Variants in RMDN2 observed in about 807,000 individuals in gnomAD.
RMDN2 encodes regulator of microtubule dynamics protein 2.
A neutral mutation model predicts 52.8 loss-of-function variants in RMDN2; 61 were observed. The observed-to-expected ratio is 1.16, with a 90% CI of 0.94 to 1.43. The LOEUF is 1.43. Ranked by LOEUF, RMDN2 falls within the 40% of genes most tolerant of loss-of-function variation. The probability of loss-of-function intolerance (pLI) is 0.00; values close to 1 mark genes in which losing one functional copy is unlikely to be tolerated. For synonymous variants in RMDN2, 180 were observed against 153.1 expected, an observed-to-expected ratio of 1.18 and a Z score of -1.30; for missense variants, 592 against 475.3, an observed-to-expected ratio of 1.25 and a Z score of -2.28.
chr2:37,961,901 A>T (rs1315943749), intron 2 of RMDN2, among the ~76,000 whole-genome samples: 1 of 151,960 alleles, frequency 6.6e-6, no homozygotes, highest in African/African-American at 2.4e-5. Context: ...GTTGATTTTG[A>T]TGTTTTTGCT....
At chr2:37,993,915 G>T (rs946019516) in intron 7 of RMDN2, among the ~76,000 whole-genome samples, 7 of 152,182 alleles carry the variant, frequency 4.6e-5, no homozygotes, top group Non-Finnish European at 1.0e-4. Flanking sequence ...CCTCACAAGT[G>T]TCTGGAGCTT....
chr2:38,020,658 A>T (rs1272913947), downstream of RMDN2, among the ~76,000 whole-genome samples: 1 of 152,190 alleles, frequency 6.6e-6, no homozygotes, highest in Non-Finnish European at 1.5e-5. Context: ...CACCCAGGCC[A>T]GCGGCTGCAG....
intron 10 of RMDN2, among the ~76,000 whole-genome samples, chr2:38,038,364 A>G (rs527259308): frequency 6.6e-6 from 1 of 152,226 alleles, no homozygotes; most frequent in Admixed American, 6.5e-5. Context: ...ATTCCCCAAC[A>G]ATAGAATGAG....
chr2:37,977,535 G>A (rs1230229900), intron 4 of RMDN2, among the ~76,000 whole-genome samples: 2 of 151,994 alleles, frequency 1.3e-5, no homozygotes, highest in Admixed American at 1.3e-4. Context: ...TGGGGCGGCT[G>A]CCAGGCGGAG....
intron 10 of RMDN2, among the ~76,000 whole-genome samples, chr2:38,054,308 G>A (rs1681760451): frequency 6.6e-6 from 1 of 152,170 alleles, no homozygotes; most frequent in East Asian, 1.9e-4. Flanking sequence ...GAATGCTTTG[G>A]AAAGACTCAG....
Position 37,989,365 on chromosome 2 carries a change from A to G in RMDN2, c.792-176A>G, listed in dbSNP as rs1297360317. 2.0e-5 allele frequency among the ~76,000 whole-genome samples: 3 copies of G among 152,136 alleles called. No individual in the cohort carries two copies. In the East Asian group the frequency reaches 5.8e-4, roughly 29 times the overall value. On this transcript the variant is annotated intron_variant, in intron 5 of 10. Transcript: ENST00000354545. ...AGTATCCCCAGTTATAGATGAGAAA[A>G]CTGGCCTCATGTTAATGTCAAGTAT... is the stretch of plus-strand genomic sequence containing the variant.
At chr2:38,065,385 A>G (rs1281447313) in intron 10 of RMDN2, among the ~76,000 whole-genome samples, 1 of 152,150 alleles carries the variant, frequency 6.6e-6, no homozygotes, top group Non-Finnish European at 1.5e-5. Flanking sequence ...TTAAAAAAAA[A>G]AAGAAAAAGA....
upstream of RMDN2, among the ~76,000 whole-genome samples, chr2:37,922,934 G>A (rs566214964): frequency 1.7e-3 from 261 of 152,304 alleles, 3 homozygotes; most frequent in Non-Finnish European, 3.2e-3. Context: ...TCTGGTGGAA[G>A]TAGCGGAGAA....
downstream of RMDN2, among the ~76,000 whole-genome samples, chr2:38,020,955 G>A (rs1679320965): frequency 6.6e-6 from 1 of 152,230 alleles, no homozygotes; most frequent in African/African-American, 2.4e-5. Flanking sequence ...TCCACTGGGT[G>A]AAGCCATCTG....
intron 10 of RMDN2, among the ~76,000 whole-genome samples, chr2:38,038,344 T>A (rs1396854259): frequency 6.6e-6 from 1 of 152,076 alleles, no homozygotes; most frequent in Non-Finnish European, 1.5e-5. Flanking sequence ...TCCCTTGGGG[T>A]GTTTTTGGGA....
intron 10 of RMDN2, among the ~76,000 whole-genome samples, chr2:38,062,882 C>T (rs1162062249): frequency 2.0e-5 from 3 of 149,284 alleles, no homozygotes; most frequent in Non-Finnish European, 3.0e-5. Flanking sequence ...GTTTTTTGTC[C>T]CTGCCATAGT....
intron 2 of RMDN2, among the ~76,000 whole-genome samples, chr2:37,942,718 A>G (rs28662482): frequency 0.01 from 1,551 of 152,292 alleles, 30 homozygotes; most frequent in African/African-American, 0.035. Flanking sequence ...TCTCCTATGA[A>G]TTTCCTTTAA....
At chr2:37,981,732 A>G (rs1037516651) in intron 5 of RMDN2, among the ~76,000 whole-genome samples, 3 of 152,210 alleles carry the variant, frequency 2.0e-5, no homozygotes, top group African/African-American at 7.2e-5. Flanking sequence ...GTAATATACA[A>G]ATTCCACAGA....
intron 2 of RMDN2, among the ~76,000 whole-genome samples, chr2:37,932,216 G>A (rs1296924299): frequency 3.3e-5 from 5 of 149,378 alleles, no homozygotes; most frequent in Admixed American, 6.6e-5. Context: ...GCGGCCTTCC[G>A]CAGTGTTTGT....
chr2:37,994,246 A>G (rs1005264858), intron 7 of RMDN2, among the ~76,000 whole-genome samples: 1 of 152,246 alleles, frequency 6.6e-6, no homozygotes, highest in Non-Finnish European at 1.5e-5. Context: ...ATATGTAGCT[A>G]TAATGTGTTT....
chr2:37,923,725 C>T (rs1666096704), upstream of RMDN2, among the ~76,000 whole-genome samples: 1 of 152,144 alleles, frequency 6.6e-6, no homozygotes, highest in South Asian at 2.1e-4. Flanking sequence ...AAAGATTAAT[C>T]TGCTCTTTTT....
In RMDN2 at chr2:37,974,202, C is replaced by T. The variant is rs201685599; in HGVS notation, c.615C>T (p.Asp205=). Residue 205 remains aspartate (D), a synonymous_variant, in exon 3 of 11, where the codon GAC becomes GAT. Transcript: ENST00000354545. ...GKSESFELLR[D]HKEKFRDEIE... is the part of the protein sequence containing the mutation. ...CGGAGAGTTTTGAACTACTTCGTGACCACAAAGAAAAGGTAAGAGACATAA... is the reference window on the plus strand; with the variant it reads ...CGGAGAGTTTTGAACTACTTCGTGATCACAAAGAAAAGGTAAGAGACATAA... 1 of 1,610,072 alleles carries T rather than the reference C, an allele frequency of 6.2e-7. No homozygotes were observed. Among genetic ancestry groups the T allele is most frequent in the Admixed American group, 1.7e-5 (1 of 59,256 alleles).
chr2:37,960,484 C>G (rs1380959133), intron 2 of RMDN2, among the ~76,000 whole-genome samples: 2 of 151,364 alleles, frequency 1.3e-5, no homozygotes. Flanking sequence ...TTTTGCTTTC[C>G]ATTTGCTTGA....
At chr2:38,001,919 G>T (rs1676376022) in intron 8 of RMDN2, among the ~76,000 whole-genome samples, 1 of 152,194 alleles carries the variant, frequency 6.6e-6, no homozygotes, top group Non-Finnish European at 1.5e-5. Context: ...ACTGTAGGAT[G>T]GTCAAGGCTC....
Sources: gnomAD v4.1 joint callset for allele counts (sites outside exome capture counted in the v4.1 genomes callset) on GRCh38, gnomAD v4.1.1 for gene constraint, MANE v1.5 for transcripts, NCBI Gene and HGNC (gene_info 2026-07-23, HGNC 2026-07-21) for gene names.